ABTB3: variants seen among roughly 807,000 people sequenced by gnomAD.
ABTB3 encodes the protein ankyrin repeat- and BTB/POZ domain-containing protein 3.
At chr12:107,456,245 G>A in the ABTB3 span, among the ~76,000 whole-genome samples, 1 of 152,154 alleles carries the variant, frequency 6.6e-6, no homozygotes, top group Non-Finnish European at 1.5e-5. Context: ...TGTAACTCAG[G>A]GGTCCCCAAC....
the ABTB3 span, among the ~76,000 whole-genome samples, chr12:107,508,685 T>A: frequency 6.6e-6 from 1 of 152,186 alleles, no homozygotes; most frequent in Middle Eastern, 3.4e-3. Flanking sequence ...CCTGACCTTG[T>A]GATCTGCCTG....
At chr12:107,414,702 C>T in the ABTB3 span, among the ~76,000 whole-genome samples, 2 of 151,086 alleles carry the variant, frequency 1.3e-5, no homozygotes, top group Admixed American at 1.3e-4. Context: ...CCATCCCCCC[C>T]TTTCTTTTCT....
At chr12:107,334,644 G>A in the ABTB3 span, among the ~76,000 whole-genome samples, 4 of 152,120 alleles carry the variant, frequency 2.6e-5, no homozygotes, top group Non-Finnish European at 5.9e-5. Context: ...AGAGAGGATG[G>A]TTTGGAGATA....
the ABTB3 span, chr12:107,642,249 G>T: frequency 7.4e-7 from 1 of 1,354,038 alleles, no homozygotes; most frequent in Non-Finnish European, 1.1e-6. Flanking sequence ...TCAGCCTGAG[G>T]ATTGGCCACT....
At chr12:107,511,428 A>T in the ABTB3 span, among the ~76,000 whole-genome samples, 1 of 152,070 alleles carries the variant, frequency 6.6e-6, no homozygotes, top group African/African-American at 2.4e-5. Flanking sequence ...CTCACATATG[A>T]GTCTGTGGTG....
chr12:107,610,105 T>A, the ABTB3 span: 1 of 1,501,522 alleles, frequency 6.7e-7, no homozygotes, highest in Non-Finnish European at 9.2e-7. Flanking sequence ...GCAAATGCAA[T>A]GTCCCAGGGT....
At chr12:107,623,867 A>G in the ABTB3 span, among the ~76,000 whole-genome samples, 1 of 152,304 alleles carries the variant, frequency 6.6e-6, no homozygotes, top group Middle Eastern at 3.4e-3. Context: ...AAATGGGACC[A>G]TGGTATGGTC....
chr12:107,428,830 T>C, the ABTB3 span, among the ~76,000 whole-genome samples: 669 of 152,358 alleles, frequency 4.4e-3, 3 homozygotes, highest in African/African-American at 0.015. Flanking sequence ...GGCACCGTGA[T>C]AGGCCAGCAG....
At chr12:107,479,822 C>T in the ABTB3 span, among the ~76,000 whole-genome samples, 1 of 152,086 alleles carries the variant, frequency 6.6e-6, no homozygotes, top group Admixed American at 6.5e-5. Context: ...GAGTTTAGTG[C>T]ATACAATAAT....
chr12:107,513,607 A>G, the ABTB3 span, among the ~76,000 whole-genome samples: 1 of 152,102 alleles, frequency 6.6e-6, no homozygotes, highest in African/African-American at 2.4e-5. Flanking sequence ...TCCTTTCTAA[A>G]TCACCCAGTC....
chr12:107,382,517 A>G, the ABTB3 span, among the ~76,000 whole-genome samples: 1 of 152,176 alleles, frequency 6.6e-6, no homozygotes, highest in Non-Finnish European at 1.5e-5. Flanking sequence ...TTGTATCCTG[A>G]GACTTTGCTG....
the ABTB3 span, among the ~76,000 whole-genome samples, chr12:107,583,513 G>C: frequency 6.6e-6 from 1 of 152,198 alleles, no homozygotes; most frequent in South Asian, 2.1e-4. Context: ...ATACAACCAT[G>C]TGTCATTTTT....
the ABTB3 span, chr12:107,635,497 C>A: frequency 1.0e-6 from 1 of 1,001,332 alleles, no homozygotes; most frequent in Non-Finnish European, 1.5e-6. Context: ...CAAGGGCAAA[C>A]AAGGTCAGTA....
the ABTB3 span, among the ~76,000 whole-genome samples, chr12:107,327,162 A>G: frequency 2.0e-5 from 3 of 152,340 alleles, no homozygotes; most frequent in Admixed American, 6.5e-5. Context: ...AGATTTTGCA[A>G]TGCAATTCCC....
chr12:107,431,466 G>T, the ABTB3 span, among the ~76,000 whole-genome samples: 1 of 152,014 alleles, frequency 6.6e-6, no homozygotes, highest in Non-Finnish European at 1.5e-5. Flanking sequence ...AAAATTAGCC[G>T]GGCGTGGTGG....
At chr12:107,344,340 A>G in the ABTB3 span, among the ~76,000 whole-genome samples, 1 of 152,172 alleles carries the variant, frequency 6.6e-6, no homozygotes, top group Non-Finnish European at 1.5e-5. Flanking sequence ...TCCCACCACT[A>G]CCACCCAATC....
At chr12:107,433,011 C>T in the ABTB3 span, among the ~76,000 whole-genome samples, 3 of 152,048 alleles carry the variant, frequency 2.0e-5, no homozygotes, top group Non-Finnish European at 4.4e-5. Flanking sequence ...AGTGGCCGGG[C>T]GCGGTGGCTC....
chr12:107,513,207 TATC>T, the ABTB3 span, among the ~76,000 whole-genome samples: 1 of 152,228 alleles, frequency 6.6e-6, no homozygotes, highest in Non-Finnish European at 1.5e-5. Flanking sequence ...CTACCACCAT[TATC>T]ATCATTGAAG....
At chr12:107,438,920 A>G in the ABTB3 span, among the ~76,000 whole-genome samples, 1 of 152,208 alleles carries the variant, frequency 6.6e-6, no homozygotes, top group Non-Finnish European at 1.5e-5. Flanking sequence ...TTATTATTTA[A>G]TATCTCTTTA....
Sources: gnomAD v4.1 joint callset for allele counts (sites outside exome capture counted in the v4.1 genomes callset) on GRCh38, gnomAD v4.1.1 for gene constraint, MANE v1.5 for transcripts, NCBI Gene and HGNC (gene_info 2026-07-23, HGNC 2026-07-21) for gene names.